The following TVP23A variants were observed in gnomAD, a reference collection of about 807,000 sequenced individuals.
TVP23A encodes Golgi apparatus membrane protein TVP23 homolog A.
Under a neutral mutation model 31.7 loss-of-function variants are expected in TVP23A, and 21 were observed. The observed-to-expected ratio is 0.66, with a 90% CI of 0.47 to 0.95. TVP23A has a LOEUF of 0.95. Ranked by LOEUF, TVP23A falls within the 40% of genes least tolerant of loss-of-function variation. The probability of loss-of-function intolerance (pLI) is 0.00; values close to 1 mark genes in which losing one functional copy is unlikely to be tolerated. For missense variants in TVP23A, 279 were observed against 255.6 expected (o/e 1.09, Z -0.62); for synonymous variants, 104 against 96.0 (o/e 1.08, Z -0.49).
chr16:10,757,480 G>C (rs535971792), downstream of TVP23A, among the ~76,000 whole-genome samples: 1 of 151,138 alleles, frequency 6.6e-6, no homozygotes, highest in Non-Finnish European at 1.5e-5. This position sits in a 1 kb window ranked among gnomAD's most constrained non-coding sequence, Gnocchi z 4.1. Flanking sequence ...GTCTTTGTTG[G>C]GGGGAGGAGT....
Position 10,818,332 on chromosome 16 carries a change from G to T in TVP23A, c.10-150C>A. On this transcript the variant is annotated intron_variant, in intron 1 of 7. Coordinates refer to ENST00000299866, the MANE Select transcript of TVP23A (RefSeq NM_001079512.4). The surrounding 1 kb of genome is among the most constrained non-coding windows in gnomAD (Gnocchi z 4.7). ...CTGGCGGGGCCCCTCCGCTGCGGCT[G>T]CAGTGCAAAGCCCTCTCCACCCTCC... 1.5e-6 allele frequency: 2 copies of T among 1,354,486 alleles called. No homozygotes were observed. The highest frequency in any genetic ancestry group is 2.0e-6 in the Non-Finnish European group (2 of 987,788). 83.9% of individuals were successfully genotyped at this position (1,354,486 alleles called of 1,614,324 possible). A position where few individuals can be genotyped will look rare whatever the true frequency, so the allele number is the denominator to read the frequency against.
rs528007577 is a variant in TVP23A, at chr16:10,799,153, T to G, written c.89+18950A>C. Among the ~76,000 whole-genome samples, 5 of 152,344 alleles carry G rather than the reference T, an allele frequency of 3.3e-5. No homozygotes were observed. The East Asian group carries it at 7.7e-4, about 23-fold the overall frequency. ...TCAAGCCTTCTGATGACTGCAGCTC[T>G]GAGCAACCTCTGACTACAACCTCTG... On this transcript the variant is annotated intron_variant, in intron 2 of 7. Coordinates refer to ENST00000299866, the MANE Select transcript of TVP23A (RefSeq NM_001079512.4).
chr16:10,770,327 C>A lies in TVP23A; in HGVS notation c.587G>T (p.Cys196Phe). Residue 196 changes from cysteine (C) to phenylalanine (F), a missense_variant, in exon 7 of 8, where the codon TGC becomes TTC. Coordinates refer to ENST00000299866, the MANE Select transcript of TVP23A (RefSeq NM_001079512.4). ...GCCAGGCTTCTGAAAGTCACCTGGGCAGGCCTGCAAGGGGAAAAGTCAACC... is the reference window on the plus strand; with the variant it reads ...GCCAGGCTTCTGAAAGTCACCTGGGAAGGCCTGCAAGGGGAAAAGTCAACC... ...FLSQTVFQTA[C>F]PGDFQKPGLE... 6.4e-7 allele frequency: 1 copy of A among 1,551,532 alleles called. No individual in the cohort carries two copies. Among genetic ancestry groups the A allele is most frequent in the Non-Finnish European group, 8.7e-7 (1 of 1,147,058 alleles).
intron 2 of TVP23A, among the ~76,000 whole-genome samples, chr16:10,809,723 G>C (rs1040722717): frequency 6.6e-6 from 1 of 152,124 alleles, no homozygotes; most frequent in Non-Finnish European, 1.5e-5. Flanking sequence ...ACTTGGCTAG[G>C]GAGTGGTAGA....
Position 10,818,674 on chromosome 16 carries a change from G to T in TVP23A, c.-181C>A. 3.0e-6 allele frequency: 2 copies of T among 665,954 alleles called. No individual in the cohort carries two copies. Among genetic ancestry groups the T allele is most frequent in the Non-Finnish European group, 4.6e-6 (2 of 433,062 alleles). 41.3% of individuals were successfully genotyped at this position (665,954 alleles called of 1,614,324 possible). A position where few individuals can be genotyped will look rare whatever the true frequency, so the allele number is the denominator to read the frequency against. ...TCTCGGGTGGGGCGGGGCGCTCGGG[G>T]CCTAAGGCGCAGTCGCAGGCTGGGG... On this transcript the variant is annotated 5_prime_UTR_variant, in exon 1 of 8. Coordinates refer to ENST00000299866, the MANE Select transcript of TVP23A (RefSeq NM_001079512.4). This position sits in a 1 kb window ranked among gnomAD's most constrained non-coding sequence, Gnocchi z 4.7.
chr16:10,788,498 T>C (rs7193052), intron 2 of TVP23A, among the ~76,000 whole-genome samples: 17,889 of 151,972 alleles, frequency 0.12, 2,234 homozygotes, highest in East Asian at 0.6. Context: ...CTGGTCTCTG[T>C]TGGGGACCAG....
At chr16:10,774,808 T>A in intron 3 of TVP23A, 144 bp downstream of exon 3, 1 of 696,704 alleles carries the variant, frequency 1.4e-6, no homozygotes, top group South Asian at 2.0e-5. Flanking sequence ...ACGGGGTTTC[T>A]CCATTCCCCT....
intron 2 of TVP23A, among the ~76,000 whole-genome samples, chr16:10,781,328 C>CA (rs796378471): frequency 1.6e-3 from 162 of 102,246 alleles, no homozygotes; most frequent in South Asian, 9.5e-3. Flanking sequence ...GACTCCATCT[C>CA]AAAAAAAAAA....
chr16:10,765,319 T>C (rs1596475951), downstream of TVP23A, among the ~76,000 whole-genome samples: 5 of 116,676 alleles, frequency 4.3e-5, no homozygotes, highest in East Asian at 2.6e-4. This position sits in a 1 kb window ranked among gnomAD's most constrained non-coding sequence, Gnocchi z 4.0. Flanking sequence ...GGAAGATACC[T>C]CATCTCTTAA....
chr16:10,772,975 C>T (rs554609602), intron 5 of TVP23A, among the ~76,000 whole-genome samples: 5 of 152,070 alleles, frequency 3.3e-5, no homozygotes, highest in South Asian at 4.2e-4. Flanking sequence ...CTTTGCTTCC[C>T]GGGCTCAAGC....
Position 10,774,988 on chromosome 16 carries a change from C to T in TVP23A, c.198G>A (p.Val66=). 2 of 1,613,030 alleles carry T rather than the reference C, an allele frequency of 1.2e-6. No individual in the cohort carries two copies. Among genetic ancestry groups the T allele is most frequent in the South Asian group, 1.1e-5 (1 of 90,876 alleles). Residue 66 remains valine, a synonymous_variant, in exon 3 of 8, where the codon GTG becomes GTA. Coordinates refer to ENST00000299866, the MANE Select transcript of TVP23A (RefSeq NM_001079512.4). The stretch of plus-strand genomic sequence containing the variant: ...AGAAGTCCAGGGACAGGAGGAGCAG[C>T]ACCATGACAAAACAGCCCACAAAGC... ...SKSFVGCFVM[V]LLLLSLDFWS... is the part of the protein sequence containing the mutation.
At chr16:10,810,274 T>A (rs1181817870) in intron 2 of TVP23A, among the ~76,000 whole-genome samples, 4 of 151,928 alleles carry the variant, frequency 2.6e-5, no homozygotes, top group Non-Finnish European at 5.9e-5. Context: ...TCCACCCTCA[T>A]GCAGTGGCTC....
At chr16:10,786,576 G>A (rs1342110335) in intron 2 of TVP23A, among the ~76,000 whole-genome samples, 2 of 152,012 alleles carry the variant, frequency 1.3e-5, no homozygotes, top group African/African-American at 4.8e-5. Context: ...TTCTCAGTAT[G>A]GCAGGCCTGA....
chr16:10,774,606 CTTTT>C (rs397713093), intron 3 of TVP23A, among the ~76,000 whole-genome samples: 4 of 130,246 alleles, frequency 3.1e-5, no homozygotes, highest in South Asian at 2.4e-4. Context: ...CATTCTCTCT[CTTTT>C]TTTTTTTTTT....
chr16:10,776,983 T>G (rs1469581184), intron 2 of TVP23A, among the ~76,000 whole-genome samples: 1 of 152,074 alleles, frequency 6.6e-6, no homozygotes, highest in Admixed American at 6.6e-5. Context: ...ATCAGCAAGG[T>G]CTTTATGACC....
chr16:10,811,126 T>A (rs541613852), intron 2 of TVP23A, among the ~76,000 whole-genome samples: 1 of 152,262 alleles, frequency 6.6e-6, no homozygotes, highest in East Asian at 1.9e-4. Context: ...GTCTGATGGG[T>A]ACAGGGCTCC....
chr16:10,762,131 A>G, downstream of TVP23A: 1 of 321,052 alleles, frequency 3.1e-6, no homozygotes, highest in South Asian at 6.5e-5. Flanking sequence ...TGGTGGTGGC[A>G]GGGGACTGAG....
intron 2 of TVP23A, among the ~76,000 whole-genome samples, chr16:10,794,890 C>T (rs980050004): frequency 6.6e-6 from 1 of 152,014 alleles, no homozygotes; most frequent in Admixed American, 6.6e-5. Flanking sequence ...TTCCAGGCTG[C>T]CCCTGGAACC....
chr16:10,803,732 G>C (rs2033818041), intron 2 of TVP23A, among the ~76,000 whole-genome samples: 1 of 152,132 alleles, frequency 6.6e-6, no homozygotes, highest in South Asian at 2.1e-4. Flanking sequence ...GGACCCAAGA[G>C]GTGGACACAA....
Sources: gnomAD v4.1 joint callset for allele counts (sites outside exome capture counted in the v4.1 genomes callset) on GRCh38, gnomAD v4.1.1 for gene constraint, Gnocchi (gnomAD v3.1) non-coding constraint, MANE v1.5 for transcripts, NCBI Gene and HGNC (gene_info 2026-07-23, HGNC 2026-07-21) for gene names.